Variants in TUT4 observed in about 807,000 individuals in gnomAD.
TUT4 encodes terminal uridylyl transferase 4, also known as terminal uridylyltransferase 4.
In TUT4, 36 loss-of-function variants were observed where a neutral mutation model predicts 192.2. The observed-to-expected ratio is 0.19, with a 90% CI of 0.14 to 0.25. The LOEUF (loss-of-function observed/expected upper bound fraction) is 0.25, where lower values mean the gene tolerates loss of function less well. Among genes scored for constraint, TUT4 ranks in the 10% least tolerant of loss-of-function variants. The pLI, the probability that TUT4 is intolerant of heterozygous loss-of-function variation, is 1.00. For synonymous variants in TUT4, 618 were observed against 666.0 expected, an observed-to-expected ratio of 0.93 and a Z score of 1.11; for missense variants, 1,493 against 1,957.2, an observed-to-expected ratio of 0.76 and a Z score of 4.47.
At chr1:52,501,298 T>C (rs1166254742) in intron 4 of TUT4, among the ~76,000 whole-genome samples, 7 of 152,136 alleles carry the variant, frequency 4.6e-5, no homozygotes, top group Non-Finnish European at 1.0e-4. Flanking sequence ...GAACAAAGGA[T>C]TTGAATAGAC....
intron 1 of TUT4, among the ~76,000 whole-genome samples, chr1:52,529,035 G>A (rs1009904584): frequency 2.1e-4 from 32 of 152,098 alleles, no homozygotes; most frequent in African/African-American, 6.8e-4. Flanking sequence ...TTATAGTGCA[G>A]TCCTCTACAT....
intron 1 of TUT4, among the ~76,000 whole-genome samples, chr1:52,551,115 T>A (rs1689319462): frequency 6.6e-6 from 1 of 152,198 alleles, no homozygotes; most frequent in South Asian, 2.1e-4. Context: ...CTGTTCTAGC[T>A]CCAGCAACTA....
chr1:52,526,804 C>A (rs1433774224), intron 1 of TUT4, among the ~76,000 whole-genome samples: 1 of 151,908 alleles, frequency 6.6e-6, no homozygotes, highest in Admixed American at 6.6e-5. Flanking sequence ...GTGGGTGGAT[C>A]ACCTGAGGTC....
intron 24 of TUT4, among the ~76,000 whole-genome samples, chr1:52,441,252 A>T (rs1395751479): frequency 6.6e-6 from 1 of 151,648 alleles, no homozygotes; most frequent in Non-Finnish European, 1.5e-5. Flanking sequence ...GGGCAGAGGT[A>T]AAAGGTGGGA....
intron 4 of TUT4, among the ~76,000 whole-genome samples, chr1:52,506,405 T>C (rs565642546): frequency 6.6e-6 from 1 of 152,324 alleles, no homozygotes; most frequent in South Asian, 2.1e-4. Context: ...AACTGGGAAG[T>C]ATTTCTCCTC....
chr1:52,454,889 A>T (rs1043257429), intron 20 of TUT4, among the ~76,000 whole-genome samples: 4 of 152,326 alleles, frequency 2.6e-5, no homozygotes, highest in East Asian at 1.9e-4. Context: ...TAACCTGTTT[A>T]AAAAAATGGA....
chr1:52,427,861 C>A (rs763840138), intron 28 of TUT4, among the ~76,000 whole-genome samples: 6 of 152,206 alleles, frequency 3.9e-5, no homozygotes, highest in Non-Finnish European at 7.3e-5. Flanking sequence ...TACAACCAGA[C>A]AGTAAGTTCC....
At chr1:52,492,275 G>A (rs948712047) in intron 7 of TUT4, among the ~76,000 whole-genome samples, 5 of 152,084 alleles carry the variant, frequency 3.3e-5, no homozygotes, top group Admixed American at 6.5e-5. Flanking sequence ...ACTGATAAGA[G>A]CTGATTGTGT....
intron 4 of TUT4, among the ~76,000 whole-genome samples, chr1:52,506,337 T>C (rs1164649915): frequency 6.6e-6 from 1 of 152,220 alleles, no homozygotes; most frequent in African/African-American, 2.4e-5. Flanking sequence ...TTTTCCTTTA[T>C]TGCAATATGT....
In TUT4 at chr1:52,436,803, C is replaced by T; in HGVS notation, c.4114G>A (p.Glu1372Lys). Residue 1372 changes from glutamate (E) to lysine (K), a missense_variant, in exon 26 of 30, where the codon GAG becomes AAG. Physicochemically the swap from Glu to Lys is moderately conservative, Grantham distance 56. Transcript: ENST00000257177. ...ICGDAGHVRR[E>K]CPEVKLARQR... is the part of the protein sequence containing the mutation. ...CGGGCCAGCTTGACCTCTGGGCACT[C>T]CCTTCGTACATGTCCAGCATCTCCA... The T allele has an allele frequency of 1.2e-6, 2 of 1,613,760 alleles. No individual in the cohort carries two copies. The highest frequency in any genetic ancestry group is 1.7e-6 in the Non-Finnish European group (2 of 1,180,004).
At chr1:52,453,671 CA>C (rs556308321) in intron 20 of TUT4, among the ~76,000 whole-genome samples, 87 of 152,216 alleles carry the variant, frequency 5.7e-4, no homozygotes, top group African/African-American at 2.0e-3. Context: ...AGGAATAATA[CA>C]AGGATGTTCT....
intron 19 of TUT4, among the ~76,000 whole-genome samples, chr1:52,459,582 C>T (rs1167756593): frequency 6.6e-6 from 1 of 152,114 alleles, no homozygotes; most frequent in Non-Finnish European, 1.5e-5. Context: ...GAGTGGAATC[C>T]TGCCTCAAAA....
At chr1:52,477,445 A>AAGCCT (rs1667395554) in intron 12 of TUT4, among the ~76,000 whole-genome samples, 1 of 152,138 alleles carries the variant, frequency 6.6e-6, no homozygotes, top group South Asian at 2.1e-4. Flanking sequence ...ATGGTAGCAC[A>AAGCCT]AGCCTATAGT....
intron 1 of TUT4, among the ~76,000 whole-genome samples, chr1:52,536,803 G>A (rs535792575): frequency 5.3e-5 from 8 of 152,070 alleles, no homozygotes; most frequent in African/African-American, 7.2e-5. Context: ...GCAGTGAGCC[G>A]AGACTGTGCC....
chr1:52,456,086 C>A (rs1248351844), intron 20 of TUT4, among the ~76,000 whole-genome samples: 1 of 152,088 alleles, frequency 6.6e-6, no homozygotes, highest in African/African-American at 2.4e-5. Flanking sequence ...TACATCCCAA[C>A]AATGGAGTAT....
chr1:52,483,751 A>G (rs1256308760), intron 9 of TUT4, among the ~76,000 whole-genome samples: 5 of 152,186 alleles, frequency 3.3e-5, no homozygotes, highest in Non-Finnish European at 7.4e-5. Flanking sequence ...TAGAGGTTGC[A>G]GTGAGCTGAG....
At chr1:52,457,751 A>T (rs899415281) in intron 20 of TUT4, among the ~76,000 whole-genome samples, 1 of 152,214 alleles carries the variant, frequency 6.6e-6, no homozygotes, top group Admixed American at 6.5e-5. Context: ...CCAATTTCAG[A>T]GAGTATAAAT....
intron 28 of TUT4, among the ~76,000 whole-genome samples, chr1:52,425,980 A>T (rs1424802307): frequency 6.6e-6 from 1 of 152,202 alleles, no homozygotes; most frequent in Non-Finnish European, 1.5e-5. Context: ...GACAGGAGTG[A>T]TGGAGGAAGT....
Position 52,472,017 on chromosome 1 carries a change from T to C in TUT4, c.2813A>G (p.Lys938Arg). 1.9e-6 allele frequency: 3 copies of C among 1,613,936 alleles called. No individual in the cohort carries two copies. The highest frequency in any genetic ancestry group is 8.5e-7 in the Non-Finnish European group (1 of 1,179,914). Residue 938 changes from lysine (K) to arginine (R), a missense_variant, in exon 14 of 30, where the codon AAA becomes AGA. Transcript: ENST00000257177. ...TCGGTTTGTCATTGGTGGTAGAGGT[T>C]TTAAATCAATTTTCCTAAAATCCTC... ...CPEDFRKIDL[K>R]PLPPMTNRFR...
Sources: gnomAD v4.1 joint callset for allele counts (sites outside exome capture counted in the v4.1 genomes callset) on GRCh38, gnomAD v4.1.1 for gene constraint, MANE v1.5 for transcripts, NCBI Gene and HGNC (gene_info 2026-07-23, HGNC 2026-07-21) for gene names.